UBIAD1: variants seen among roughly 807,000 people sequenced by gnomAD.
UBIAD1 encodes the protein ubiA prenyltransferase domain-containing protein 1.
In UBIAD1, 12 loss-of-function variants were observed where a neutral mutation model predicts 20.1. That is an observed-to-expected ratio of 0.60 (90% CI 0.38 to 0.97). The LOEUF (loss-of-function observed/expected upper bound fraction) is 0.97, where lower values mean the gene tolerates loss of function less well. Ranked by LOEUF, UBIAD1 falls within the 50% of genes least tolerant of loss-of-function variation. The pLI is 0.00. For missense variants in UBIAD1, 333 were observed against 419.5 expected (o/e 0.79, Z 1.80); for synonymous variants, 207 against 189.2 (o/e 1.09, Z -0.77).
At chr1:11,293,865 G>A (rs1280100613) in intron 1 of UBIAD1, among the ~76,000 whole-genome samples, 2 of 152,058 alleles carry the variant, frequency 1.3e-5, no homozygotes, top group East Asian at 1.9e-4. Flanking sequence ...TAGTAGAAAC[G>A]GGATTTCACC....
chr1:11,286,322 T>C lies in UBIAD1; in HGVS notation c.*191T>C. On this transcript the variant is annotated 3_prime_UTR_variant, in exon 2 of 2. Transcript: ENST00000376810. Reference sequence around the variant, plus strand: ...TCTGTTTTTTGTTTTTTCCATTTTATGGGGAATTTAAAAACCATTCTTGTA... The same window carrying C: ...TCTGTTTTTTGTTTTTTCCATTTTACGGGGAATTTAAAAACCATTCTTGTA... 5.4e-6 allele frequency: 4 copies of C among 740,340 alleles called. No individual in the cohort carries two copies. The highest frequency in any genetic ancestry group is 8.6e-6 in the Non-Finnish European group (4 of 464,134). 45.9% of individuals were successfully genotyped at this position (740,340 alleles called of 1,614,324 possible).
downstream of UBIAD1, among the ~76,000 whole-genome samples, chr1:11,291,234 T>C (rs989144762): frequency 6.6e-6 from 1 of 152,194 alleles, no homozygotes; most frequent in African/African-American, 2.4e-5. Flanking sequence ...ATTAATAGAA[T>C]CAGTGTGGTG....
intron 1 of UBIAD1, among the ~76,000 whole-genome samples, chr1:11,275,791 G>GGGA (rs1407036105): frequency 2.6e-5 from 4 of 152,010 alleles, no homozygotes; most frequent in African/African-American, 9.7e-5. Flanking sequence ...TAAGAGGTGA[G>GGGA]GGAGTTGGCC....
At chr1:11,283,535 TAGAA>T (rs770214996) in intron 1 of UBIAD1, among the ~76,000 whole-genome samples, 2 of 151,928 alleles carry the variant, frequency 1.3e-5, no homozygotes, top group African/African-American at 2.4e-5. Flanking sequence ...ATTATCCAAA[TAGAA>T]GGAAAAAAAA....
At chr1:11,278,051 G>A (rs761159438) in intron 1 of UBIAD1, among the ~76,000 whole-genome samples, 21 of 152,212 alleles carry the variant, frequency 1.4e-4, no homozygotes, top group Non-Finnish European at 2.8e-4. Context: ...TCTGCCTCCC[G>A]GGATCAAGCG....
downstream of UBIAD1, among the ~76,000 whole-genome samples, chr1:11,297,769 C>T (rs188481921): frequency 6.7e-4 from 102 of 152,256 alleles, no homozygotes; most frequent in African/African-American, 2.4e-3. Flanking sequence ...GATGGAGAGA[C>T]AGGTGGTCTT....
At chr1:11,298,609 A>AAATAAATAAAT (rs1557525995), downstream of UBIAD1, among the ~76,000 whole-genome samples, 3 of 129,484 alleles carry the variant, frequency 2.3e-5, no homozygotes, top group African/African-American at 9.5e-5. This position sits in a 1 kb window ranked among gnomAD's most constrained non-coding sequence, Gnocchi z 4.0. Context: ...AATAAATAAA[A>AAATAAATAAAT]GTTTCCCATG....
downstream of UBIAD1, among the ~76,000 whole-genome samples, chr1:11,297,685 T>C (rs1453339882): frequency 6.6e-6 from 1 of 152,166 alleles, no homozygotes; most frequent in Non-Finnish European, 1.5e-5. Context: ...TCAAAGATTG[T>C]CAAGGTGACT....
exon 2 of UBIAD1, chr1:11,294,963 C>T: frequency 1.4e-6 from 1 of 717,408 alleles, no homozygotes; most frequent in Non-Finnish European, 2.6e-6. Context: ...CCTTCTAGAC[C>T]TGCCTCCTGA....
chr1:11,285,964 G>C lies in UBIAD1; in HGVS notation c.850G>C (p.Ala284Pro). Residue 284 changes from alanine (A) to proline (P), a missense_variant, in exon 2 of 2, where the codon GCA becomes CCA. Physicochemically the swap from Ala to Pro is conservative, Grantham distance 27 (BLOSUM62 -1). Coordinates refer to ENST00000376810, the MANE Select transcript of UBIAD1 (RefSeq NM_013319.3). This position sits in a 1 kb window ranked among gnomAD's most constrained non-coding sequence, Gnocchi z 4.4. ...GGCCACACACTGCACCATCAGCCTG[G>C]CACTCCCCCTGCTTACCATTCCCAT... ...ILATHCTISL[A>P]LPLLTIPMAF... The C allele has an allele frequency of 6.2e-7, 1 of 1,614,150 alleles. No homozygotes were observed. Among genetic ancestry groups the C allele is most frequent in the South Asian group, 1.1e-5 (1 of 91,084 alleles).
At chr1:11,290,352 G>T (rs1218932717), downstream of UBIAD1, among the ~76,000 whole-genome samples, 1 of 152,168 alleles carries the variant, frequency 6.6e-6, no homozygotes, top group Non-Finnish European at 1.5e-5. Flanking sequence ...TGGATGCTGG[G>T]GTTTGGCCCT....
At chr1:11,278,867 CT>C (rs1011374150) in intron 1 of UBIAD1, 263 of 402,316 alleles carry the variant, frequency 6.5e-4, no homozygotes, top group South Asian at 1.5e-3. Context: ...GCTATATATT[CT>C]TTTTTTTTAT....
intron 1 of UBIAD1, chr1:11,279,330 C>T (rs1362435770): frequency 9.6e-6 from 2 of 208,452 alleles, no homozygotes; most frequent in African/African-American, 4.6e-5. Flanking sequence ...TGGAAGATAC[C>T]ATCTGGAGTG....
intron 1 of UBIAD1, among the ~76,000 whole-genome samples, chr1:11,283,409 A>G (rs1204510770): frequency 1.3e-5 from 2 of 152,122 alleles, no homozygotes; most frequent in East Asian, 3.9e-4. Context: ...ATATTGGAAG[A>G]GACGTCAATT....
intron 1 of UBIAD1, among the ~76,000 whole-genome samples, chr1:11,277,537 G>T (rs1236973023): frequency 6.6e-6 from 1 of 152,036 alleles, no homozygotes; most frequent in South Asian, 2.1e-4. Flanking sequence ...GCCTCCTAAA[G>T]TGCTGGGATT....
chr1:11,273,627 C>T lies in UBIAD1; in HGVS notation c.96C>T (p.Pro32=). 2 of 1,614,076 alleles carry T rather than the reference C, an allele frequency of 1.2e-6. No individual in the cohort carries two copies. Among genetic ancestry groups the T allele is most frequent in the Non-Finnish European group, 1.7e-6 (2 of 1,180,042 alleles). Residue 32 remains proline (P), a synonymous_variant, in exon 1 of 2, where the codon CCC becomes CCT. Coordinates refer to ENST00000376810, the MANE Select transcript of UBIAD1 (RefSeq NM_013319.3). This position sits in a 1 kb window ranked among gnomAD's most constrained non-coding sequence, Gnocchi z 4.9. The stretch of plus-strand genomic sequence containing the variant: ...GGGACCCGCTGGGGAACGACTGTCC[C>T]GAGCAAGATAGGCTCCCCCAGCGCT... ...GDRDPLGNDC[P]EQDRLPQRSW...
Position 11,273,723 on chromosome 1 carries a change from G to T in UBIAD1, c.192G>T (p.Pro64=). Residue 64 remains proline, a synonymous_variant, in exon 1 of 2, where the codon CCG becomes CCT. Coordinates refer to ENST00000376810, the MANE Select transcript of UBIAD1 (RefSeq NM_013319.3). This position sits in a 1 kb window ranked among gnomAD's most constrained non-coding sequence, Gnocchi z 4.9. ...GGAGCTTCAGTGCCTCACTCACACC[G>T]GTGGCCCTGGGCAGTGCCCTTGCCT... ...RPWSFSASLT[P]VALGSALAYR... The T allele has an allele frequency of 6.2e-7, 1 of 1,614,116 alleles. No homozygotes were observed. The highest frequency in any genetic ancestry group is 1.3e-5 in the African/African-American group (1 of 75,028).
chr1:11,290,105 A>C (rs1023661815), downstream of UBIAD1, among the ~76,000 whole-genome samples: 1 of 152,190 alleles, frequency 6.6e-6, no homozygotes, highest in Non-Finnish European at 1.5e-5. Flanking sequence ...ACCTCAGGCT[A>C]TCTACCCATC....
downstream of UBIAD1, among the ~76,000 whole-genome samples, chr1:11,292,570 C>T (rs1353619272): frequency 6.6e-6 from 1 of 151,898 alleles, no homozygotes; most frequent in African/African-American, 2.4e-5. Flanking sequence ...GTACAAGAGC[C>T]GTGTTGACAT....
Sources: allele counts gnomAD v4.1 joint callset (sites outside exome capture counted in the v4.1 genomes callset), GRCh38; gene constraint gnomAD v4.1.1; non-coding constraint Gnocchi (gnomAD v3.1); transcripts MANE v1.5; gene names NCBI Gene and HGNC (gene_info 2026-07-23, HGNC 2026-07-21).